The following TTC19 variants were observed in gnomAD, a reference collection of about 807,000 sequenced individuals.
TTC19 encodes tetratricopeptide repeat domain 19.
In TTC19, 38 loss-of-function variants were observed where a neutral mutation model predicts 49.5. The ratio of observed to expected loss-of-function variants is 0.77; its 90% CI spans 0.59 to 1.01. The LOEUF (loss-of-function observed/expected upper bound fraction) is 1.01, where lower values mean the gene tolerates loss of function less well. Ranked by LOEUF, TTC19 falls within the 50% of genes least tolerant of loss-of-function variation. The pLI is 0.00. For missense variants in TTC19, 475 were observed against 477.7 expected (o/e 0.99, Z 0.05); for synonymous variants, 204 against 185.2 (o/e 1.10, Z -0.83).
downstream of TTC19, among the ~76,000 whole-genome samples, chr17:16,033,342 A>C (rs1283306347): frequency 6.6e-6 from 1 of 150,436 alleles, no homozygotes; most frequent in Non-Finnish European, 1.5e-5. Context: ...TCTCCAAAAA[A>C]AAAAAAAAAA....
Position 15,999,855 on chromosome 17 carries a change from C to T in TTC19, c.7C>T (p.Arg3Trp), listed in dbSNP as rs756830714. The T allele has an allele frequency of 8.2e-5, 124 of 1,515,046 alleles. 2 individuals are homozygous for T. In the South Asian group the frequency reaches 1.2e-3, roughly 14 times the overall value. 93.9% of individuals were successfully genotyped at this position (1,515,046 alleles called of 1,614,324 possible). MF[R>W]LLSWSLGRGF... The stretch of plus-strand genomic sequence containing the variant: ...CAGAGGACGCGGCGGGAGCATGTTC[C>T]GGCTCCTGAGCTGGAGCCTGGGCCG... Residue 3 changes from arginine (R) to tryptophan (W), a missense_variant, in exon 1 of 10, where the codon CGG becomes TGG. Transcript: ENST00000261647.
chr17:16,032,281 C>A, downstream of TTC19: 1 of 1,593,850 alleles, frequency 6.3e-7, no homozygotes. Flanking sequence ...CCCTGTTCCC[C>A]TCACTTTGTG....
chr17:16,027,599 T>C lies in TTC19; in HGVS notation c.*77T>C. 6.5e-7 allele frequency: 1 copy of C among 1,539,954 alleles called. No homozygotes were observed. The highest frequency in any genetic ancestry group is 8.9e-7 in the Non-Finnish European group (1 of 1,117,976). On this transcript the variant is annotated 3_prime_UTR_variant, in exon 10 of 10. Transcript: ENST00000261647. ...TCATTCCTGTCTCTGTGGCACCCGA[T>C]CAATGGCTTAAATCTGTCGTTTTTG...
chr17:16,002,530 CA>C (rs909639155), intron 3 of TTC19: 94 of 499,748 alleles, frequency 1.9e-4, no homozygotes, highest in Non-Finnish European at 2.9e-4. Flanking sequence ...AATTCCAGAC[CA>C]AAAAAAACCA....
downstream of TTC19, among the ~76,000 whole-genome samples, chr17:16,033,149 C>T (rs1972639788): frequency 1.3e-5 from 2 of 152,002 alleles, no homozygotes; most frequent in African/African-American, 4.8e-5. Flanking sequence ...AGTTCAAGAC[C>T]AGCCTGACCA....
At chr17:16,026,889 A>G (rs1971579694) in intron 9 of TTC19, 187 bp downstream of exon 9, 1 of 691,066 alleles carries the variant, frequency 1.4e-6, no homozygotes, top group Non-Finnish European at 2.6e-6. Context: ...AATTCACGTA[A>G]CTTCTACAGA....
intron 7 of TTC19, among the ~76,000 whole-genome samples, chr17:16,018,995 G>C (rs1971292485): frequency 6.6e-6 from 1 of 152,062 alleles, no homozygotes; most frequent in Admixed American, 6.5e-5. Context: ...CTACTATCCT[G>C]AGTTTGGTTT....
intron 7 of TTC19, among the ~76,000 whole-genome samples, chr17:16,012,144 G>GT (rs971673148): frequency 2.3e-4 from 34 of 150,548 alleles, no homozygotes; most frequent in African/African-American, 4.2e-4. Flanking sequence ...ATAGAGTGGG[G>GT]TTTTTTTTTC....
chr17:16,036,831 G>A (rs1266253281), intron 2 of TTC19, among the ~76,000 whole-genome samples: 3 of 152,138 alleles, frequency 2.0e-5, no homozygotes, highest in Non-Finnish European at 4.4e-5. Flanking sequence ...TGTGTGTCAC[G>A]AAACACTGTT....
At position 15,999,914 on chromosome 17, in the gene TTC19, G is replaced by C; in HGVS notation, c.66G>C (p.Arg22=). The C allele has an allele frequency of 7.3e-7, 1 of 1,361,166 alleles. No individual in the cohort carries two copies. The highest frequency in any genetic ancestry group is 1.8e-5 in the South Asian group (1 of 56,044). The allele number at this position is 1,361,166 out of a possible 1,614,324, so 84.3% of individuals were successfully genotyped here. A position where few individuals can be genotyped will look rare whatever the true frequency, so the allele number is the denominator to read the frequency against. ...GFLRAAGRRC[R]GCSARLLPGL... is the part of the protein sequence containing the mutation. ...TGCGGGCCGCGGGGCGGCGGTGCCG[G>C]GGCTGCTCCGCGCGCCTGCTCCCGG... Residue 22 remains arginine (R), a synonymous_variant, in exon 1 of 10, where the codon CGG becomes CGC. Transcript: ENST00000261647.
rs1224680987 is a variant in TTC19 at position 16,000,258 on chromosome 17, C to G, written c.312+13C>G. On this transcript the variant is annotated intron_variant, in intron 2 of 9. Transcript: ENST00000261647. ...GAAGCGAGCCAAGGTGAGGCGGCTC[C>G]GGGCCCTGCGCCCGGCCGAGCGCGG... 1 of 1,593,450 alleles carries G rather than the reference C, an allele frequency of 6.3e-7. No homozygotes were observed. Among genetic ancestry groups the G allele is most frequent in the African/African-American group, 1.3e-5 (1 of 74,784 alleles).
At chr17:16,008,496 C>G (rs1278340635) in intron 7 of TTC19, among the ~76,000 whole-genome samples, 1 of 152,184 alleles carries the variant, frequency 6.6e-6, no homozygotes, top group African/African-American at 2.4e-5. Context: ...CATGTCTCAT[C>G]CCATTACCCT....
chr17:16,009,024 C>T (rs985136876), intron 7 of TTC19, among the ~76,000 whole-genome samples: 16 of 149,340 alleles, frequency 1.1e-4, no homozygotes, highest in Non-Finnish European at 2.4e-4. Context: ...ATCCATTATA[C>T]TCAGTGCTAA....
At chr17:16,027,279 A>G (rs1174724743) in intron 9 of TTC19, 95 bp from the exon 10 acceptor site, 1 of 1,445,730 alleles carries the variant, frequency 6.9e-7, no homozygotes, top group Non-Finnish European at 9.6e-7. Context: ...GCACACAGTA[A>G]ATTAGCCCTA....
exon 3 of TTC19, chr17:16,044,704 CAAT>C: frequency 1.4e-6 from 1 of 702,408 alleles, no homozygotes; most frequent in South Asian, 1.4e-5. Context: ...AGGATAAGAT[CAAT>C]GCCCTCGTTA....
In TTC19 at chr17:16,000,040, G is replaced by T. The variant is rs1176694613; in HGVS notation, c.184+8G>T. 4 of 1,263,184 alleles carry T rather than the reference G, an allele frequency of 3.2e-6. No individual in the cohort carries two copies. The highest frequency in any genetic ancestry group is 3.5e-5 in the East Asian group (1 of 28,854). 78.2% of individuals were successfully genotyped at this position (1,263,184 alleles called of 1,614,324 possible). On this transcript the variant is annotated splice_region_variant and intron_variant, in intron 1 of 9. Transcript: ENST00000261647. ...TGCTGCCGCTGCTGGCAGGTGAGGG[G>T]CGCGGGCCGGGCGGGGCCGGCCGGG...
chr17:16,034,584 G>C (rs1017436962), intron 2 of TTC19, among the ~76,000 whole-genome samples: 6 of 151,874 alleles, frequency 4.0e-5, no homozygotes, highest in Non-Finnish European at 5.9e-5. Context: ...TTCCAGCCTG[G>C]GTGACAGAAC....
intron 7 of TTC19, among the ~76,000 whole-genome samples, chr17:16,007,867 T>G (rs1007530854): frequency 6.6e-6 from 1 of 152,134 alleles, no homozygotes; most frequent in African/African-American, 2.4e-5. Context: ...AACTGTGGAG[T>G]AGGAGGGATC....
exon 3 of TTC19, chr17:16,044,541 G>C (rs1341231975): frequency 1.8e-5 from 9 of 496,342 alleles, no homozygotes; most frequent in African/African-American, 1.4e-4. Context: ...GGAAGCTAAG[G>C]CCACGTTGGG....
Sources: gnomAD v4.1 joint callset for allele counts (sites outside exome capture counted in the v4.1 genomes callset) on GRCh38, gnomAD v4.1.1 for gene constraint, MANE v1.5 for transcripts, NCBI Gene and HGNC (gene_info 2026-07-23, HGNC 2026-07-21) for gene names.